Variants in SRCAP observed in about 807,000 individuals in gnomAD.
The protein encoded by SRCAP is Snf2 related CREBBP activator protein, also known as chromatin remodeling protein SRCAP.
Under a neutral mutation model 263.1 loss-of-function variants are expected in SRCAP, and 46 were observed. The ratio of observed to expected loss-of-function variants is 0.17; its 90% confidence interval spans 0.14 to 0.22. SRCAP has a LOEUF of 0.22. Ranked by LOEUF, SRCAP falls within the 10% of genes least tolerant of loss-of-function variation. The probability of loss-of-function intolerance (pLI) is 1.00; values close to 1 mark genes in which losing one functional copy is unlikely to be tolerated. For missense variants in SRCAP, 3,695 were observed against 4,181.9 expected, an observed-to-expected ratio of 0.88 and a Z score of 3.21; for synonymous variants, 1,813 against 1,662.1, an observed-to-expected ratio of 1.09 and a Z score of -2.21.
chr16:30,736,622 G>C lies in SRCAP; in HGVS notation c.7006G>C (p.Glu2336Gln), dbSNP rs1316945166. 6.2e-7 allele frequency: 1 copy of C among 1,614,222 alleles called. No homozygotes were observed. The highest frequency in any genetic ancestry group is 8.5e-7 in the Non-Finnish European group (1 of 1,180,018). Residue 2336 changes from glutamate (E) to glutamine (Q), a missense_variant and splice_region_variant, in exon 33 of 34, where the codon GAA becomes CAA. Physicochemically the swap from Glu to Gln is conservative, Grantham distance 29. Around this residue, in one of 12 missense-constraint regions of SRCAP, gnomAD observed 91 missense variants for 150.6 expected, o/e 0.60. Coordinates refer to ENST00000262518, the MANE Select transcript of SRCAP (RefSeq NM_006662.3). ...GAGCCGAGAGGAGCTCAAACAGGCA[G>C]AAGTGAGTATTTCCAGGGGTGGGGC... Reference protein sequence around the residue: ...EVSREELKQAEEQVEAARKDL... With the variant: ...EVSREELKQAQEQVEAARKDL...
Position 30,738,960 on chromosome 16 carries a change from C to A in SRCAP, c.8920C>A (p.Pro2974Thr). The A allele has an allele frequency of 1.2e-6, 2 of 1,613,624 alleles. No individual in the cohort carries two copies. The highest frequency in any genetic ancestry group is 1.7e-6 in the Non-Finnish European group (2 of 1,179,776). ...GACACAGCCACCCCCACACCCATCACCCCTAACCCCACTCCCACCACTGCT... is the reference window on the plus strand; with the variant it reads ...GACACAGCCACCCCCACACCCATCAACCCTAACCCCACTCCCACCACTGCT... ...SRTQPPPHPS[P>T]LTPLPPLLVC... is the part of the protein sequence containing the mutation. The change falls in exon 34 of 34, where the codon CCC becomes ACC. Residue 2974 changes from proline to threonine, a missense_variant. Physicochemically the swap from Pro to Thr is conservative, Grantham distance 38 (BLOSUM62 -1). Around this residue, in one of 12 missense-constraint regions of SRCAP, gnomAD observed 1,207 missense variants for 1,142.9 expected, o/e 1.06. Coordinates refer to ENST00000262518, the MANE Select transcript of SRCAP (RefSeq NM_006662.3).
intron 3 of SRCAP, 65 bp downstream of exon 3, chr16:30,700,943 G>A: frequency 1.3e-6 from 2 of 1,541,984 alleles, no homozygotes; most frequent in African/African-American, 1.4e-5. Flanking sequence ...TGAGGCAGAA[G>A]AAATGTGGCA....
Position 30,739,318 on chromosome 16 carries a change from A to T in SRCAP, c.9278A>T (p.Asp3093Val), listed in dbSNP as rs764238205. 1 of 1,614,140 alleles carries T rather than the reference A, an allele frequency of 6.2e-7. No individual in the cohort carries two copies. The highest frequency in any genetic ancestry group is 1.1e-5 in the South Asian group (1 of 91,086). The change falls in exon 34 of 34, where the codon GAC becomes GTC. Residue 3093 changes from aspartate (D) to valine (V), a missense_variant. Asp to Val is a radical substitution (Grantham distance 152). This residue lies in a region of SRCAP where 1,207 missense variants were observed against 1,142.9 expected (regional missense o/e 1.06). Coordinates refer to ENST00000262518, the MANE Select transcript of SRCAP (RefSeq NM_006662.3). ...GSMVVAVIQD[D>V]LDLADSGPGG... The stretch of plus-strand genomic sequence containing the variant: ...ATGGTGGTGGCTGTAATTCAGGATG[A>T]CCTGGACTTAGCAGATAGCGGGCCA...
chr16:30,704,825 G>A (rs553264115), intron 4 of SRCAP, among the ~76,000 whole-genome samples: 15 of 152,120 alleles, frequency 9.9e-5, no homozygotes, highest in Admixed American at 2.0e-4. Flanking sequence ...CTGAGCAACC[G>A]AGTAAGATCC....
chr16:30,726,708 A>G (rs1447238190), intron 25 of SRCAP, among the ~76,000 whole-genome samples: 2 of 147,846 alleles, frequency 1.4e-5, no homozygotes, highest in African/African-American at 2.5e-5. Flanking sequence ...TTATTATTTT[A>G]TTTTATTTTT....
intron 10 of SRCAP, 43 bp from the exon 11 acceptor site, chr16:30,711,528 C>A: frequency 6.5e-7 from 1 of 1,538,970 alleles, no homozygotes; most frequent in South Asian, 1.3e-5. Context: ...CTCCCCTTCT[C>A]CCTCCCCTCA....
rs1447908063 is a variant in SRCAP, at chr16:30,741,098, T to G, written c.*1365T>G. ...TCAGTGTACTAGTCTGATTGTGTTA[T>G]GTGGCCTGGGTTAAATTGGAGAGAG... On this transcript the variant is annotated 3_prime_UTR_variant, in exon 34 of 34. Coordinates refer to ENST00000262518, the MANE Select transcript of SRCAP (RefSeq NM_006662.3). The G allele has an allele frequency of 6.6e-6, 1 of 152,318 alleles. No individual in the cohort carries two copies. The highest frequency in any genetic ancestry group is 1.5e-5 in the Non-Finnish European group (1 of 68,092). The allele number at this position is 152,318 out of a possible 1,614,324, so 9.4% of individuals were successfully genotyped here.
chr16:30,738,074 A>G lies in SRCAP; in HGVS notation c.8034A>G (p.Thr2678=), dbSNP rs1360003811. The change falls in exon 34 of 34, where the codon ACA becomes ACG. Residue 2678 remains threonine, a synonymous_variant. Coordinates refer to ENST00000262518, the MANE Select transcript of SRCAP (RefSeq NM_006662.3). ...CTGACAGGACCTCGGAAGAGCTGAC[A>G]GAGGCCAAGACCCCAACCTCCAGCC... ...LEADRTSEEL[T]EAKTPTSSPE... is the part of the protein sequence containing the mutation. 6.2e-7 allele frequency: 1 copy of G among 1,614,148 alleles called. No homozygotes were observed.
At chr16:30,706,426 TCTCA>T (rs1397185125) in intron 4 of SRCAP, among the ~76,000 whole-genome samples, 1 of 151,806 alleles carries the variant, frequency 6.6e-6, no homozygotes, top group Non-Finnish European at 1.5e-5. Flanking sequence ...CCCAGAAAAA[TCTCA>T]CTCAGATTTC....
At chr16:30,734,394 C>T (rs908312911) in intron 30 of SRCAP, 102 bp from the exon 31 acceptor site, 30 of 1,523,378 alleles carry the variant, frequency 2.0e-5, no homozygotes, top group Non-Finnish European at 2.5e-5. Context: ...GCGTCTTCAA[C>T]CAGTGGTACC....
chr16:30,710,519 G>C (rs2052876439), intron 8 of SRCAP: 1 of 752,532 alleles, frequency 1.3e-6, no homozygotes, highest in South Asian at 1.4e-5. Context: ...GGAAGTGTTG[G>C]GTGCCTTTAT....
chr16:30,708,786 C>G (rs969640928), intron 6 of SRCAP, among the ~76,000 whole-genome samples: 2 of 152,186 alleles, frequency 1.3e-5, no homozygotes, highest in Non-Finnish European at 1.5e-5. Context: ...ACTTTGGCCT[C>G]CCAAAGTGTG....
chr16:30,719,706 G>T (rs1309801871), intron 18 of SRCAP, among the ~76,000 whole-genome samples: 2 of 152,084 alleles, frequency 1.3e-5, no homozygotes, highest in African/African-American at 2.4e-5. Flanking sequence ...TAGAGACGGG[G>T]TCTTACTATG....
rs1218685899 is a variant in SRCAP at position 30,724,543 on chromosome 16, C to T, written c.5119C>T (p.Pro1707Ser). The T allele has an allele frequency of 2.5e-6, 4 of 1,614,180 alleles. No individual in the cohort carries two copies. Among genetic ancestry groups the T allele is most frequent in the Non-Finnish European group, 3.4e-6 (4 of 1,180,034 alleles). Reference protein sequence around the residue: ...SQTLSLGTGNPQGPFPTQTLS... With the variant: ...SQTLSLGTGNSQGPFPTQTLS... ...GACACTCTCTTTGGGAACGGGGAAC[C>T]CCCAGGGACCCTTTCCAACTCAGAC... The change falls in exon 25 of 34, where the codon CCC (proline) becomes TCC (serine). Residue 1707 changes from proline to serine, a missense_variant. Pro to Ser is a moderately conservative substitution (Grantham distance 74, BLOSUM62 -1). Transcript: ENST00000262518.
At position 30,734,519 on chromosome 16, in the gene SRCAP, T is replaced by C; in HGVS notation, c.6633T>C (p.Asp2211=). The C allele has an allele frequency of 6.2e-7, 1 of 1,613,960 alleles. No individual in the cohort carries two copies. Among genetic ancestry groups the C allele is most frequent in the Non-Finnish European group, 8.5e-7 (1 of 1,179,976 alleles). Residue 2211 remains aspartate, a synonymous_variant, in exon 31 of 34, where the codon GAT becomes GAC. Transcript: ENST00000262518. ...FKQQTIRELF[D]MPLEEPSSSS... The stretch of plus-strand genomic sequence containing the variant: ...AGCAGACCATCCGAGAGCTGTTTGA[T>C]ATGCCCCTGGAGGAACCTTCTAGCT...
At chr16:30,703,149 C>A (rs911327719) in intron 3 of SRCAP, among the ~76,000 whole-genome samples, 1 of 143,366 alleles carries the variant, frequency 7.0e-6, no homozygotes, top group Non-Finnish European at 1.5e-5. Context: ...AAATCATATG[C>A]TATATATATA....
At position 30,740,212 on chromosome 16, in the gene SRCAP, T is replaced by A. The variant is rs1306323833; in HGVS notation, c.*479T>A. The stretch of plus-strand genomic sequence containing the variant: ...GCATCGTTTTTCTCCTCCCTCTTGT[T>A]CTTGCAAAGATCCTAGCACCTGATC... On this transcript the variant is annotated 3_prime_UTR_variant, in exon 34 of 34. Transcript: ENST00000262518. 6.5e-6 allele frequency: 1 copy of A among 152,682 alleles called. No homozygotes were observed. Among genetic ancestry groups the A allele is most frequent in the Non-Finnish European group, 1.5e-5 (1 of 68,172 alleles). 9.5% of individuals were successfully genotyped at this position (152,682 alleles called of 1,614,324 possible). A position where few individuals can be genotyped will look rare whatever the true frequency, so the allele number is the denominator to read the frequency against.
rs748964996 is a variant in SRCAP, at chr16:30,734,616, G to GT, written c.6729+2dup. 2.5e-6 allele frequency: 4 copies of GT among 1,613,854 alleles called. No individual in the cohort carries two copies. In the South Asian group the frequency reaches 4.4e-5, roughly 18 times the overall value. On this transcript the variant is annotated splice_donor_variant, in intron 31 of 33. Transcript: ENST00000262518. ...CAAGCAGACTCATATTCTGGAGCAG[G>GT]TAAAAAAAGAGTGGGCAGTTCGTAA...
In SRCAP at chr16:30,722,544, C is replaced by G. The variant is rs748876304; in HGVS notation, c.3707-19C>G. 1.2e-6 allele frequency: 2 copies of G among 1,612,538 alleles called. No individual in the cohort carries two copies. The highest frequency in any genetic ancestry group is 2.2e-5 in the East Asian group (1 of 44,864). On this transcript the variant is annotated intron_variant, in intron 22 of 33. Coordinates refer to ENST00000262518, the MANE Select transcript of SRCAP (RefSeq NM_006662.3). ...CTGATAGCTGCTTCTCTCTCTCTTT[C>G]TCTCTTCCCTTAACCCAGGGAATGT... is the stretch of plus-strand genomic sequence containing the variant.
Sources: allele counts gnomAD v4.1 joint callset (sites outside exome capture counted in the v4.1 genomes callset), GRCh38; gene constraint gnomAD v4.1.1; regional missense constraint gnomAD v4.1.1; transcripts MANE v1.5; gene names NCBI Gene and HGNC (gene_info 2026-07-23, HGNC 2026-07-21).